The following NUDT19 variants were observed in gnomAD, a reference collection of about 807,000 sequenced individuals.
The protein encoded by NUDT19 is nudix hydrolase 19.
Under a neutral mutation model 22.2 loss-of-function variants are expected in NUDT19, and 31 were observed. The observed-to-expected ratio is 1.40, with a 90% CI of 1.05 to 1.89. The LOEUF is 1.89. Among genes scored for constraint, NUDT19 ranks in the 40% most tolerant of loss-of-function variants. NUDT19 has a pLI of 0.00. For synonymous variants in NUDT19, 325 were observed against 230.8 expected (o/e 1.41, Z -3.70); for missense variants, 752 against 514.2 (o/e 1.46, Z -4.47).
chr19:32,693,032 TTTTA>T (rs1329099460), intron 1 of NUDT19, among the ~76,000 whole-genome samples: 2 of 152,198 alleles, frequency 1.3e-5, no homozygotes, highest in Non-Finnish European at 2.9e-5. Flanking sequence ...GTCTTCCTAT[TTTTA>T]TTTATTTTTG....
chr19:32,706,924 T>C (rs1016766715), intron 1 of NUDT19, among the ~76,000 whole-genome samples: 2 of 152,178 alleles, frequency 1.3e-5, no homozygotes, highest in African/African-American at 4.8e-5. Context: ...GTGTCTCAAG[T>C]CAGTGAAAAT....
At chr19:32,708,271 C>T (rs2145367353) in intron 1 of NUDT19, among the ~76,000 whole-genome samples, 1 of 150,804 alleles carries the variant, frequency 6.6e-6, no homozygotes, top group Non-Finnish European at 1.5e-5. Context: ...ACTGAAAATA[C>T]AAAAAATTAG....
intron 1 of NUDT19, among the ~76,000 whole-genome samples, chr19:32,694,644 G>A (rs1208737617): frequency 1.3e-5 from 2 of 152,156 alleles, no homozygotes; most frequent in African/African-American, 4.8e-5. Context: ...AAGATTAGAA[G>A]TTAGGATAAT....
Position 32,713,200 on chromosome 19 carries a change from GC to G in NUDT19, c.*1246del, listed in dbSNP as rs1968466919. 2 of 151,966 alleles carry G rather than the reference GC, an allele frequency of 1.3e-5. No individual in the cohort carries two copies. Among genetic ancestry groups the G allele is most frequent in the South Asian group, 4.2e-4 (2 of 4,804 alleles). 9.4% of individuals were successfully genotyped at this position (151,966 alleles called of 1,614,324 possible). On this transcript the variant is annotated 3_prime_UTR_variant, in exon 3 of 3. Transcript: ENST00000397061. ...TTTTGAGACAGAGTCTCGCTCTGTT[GC>G]CCAGGCTGGAGTACAATGGCGCAAT...
chr19:32,699,453 G>A (rs549300189), intron 1 of NUDT19, among the ~76,000 whole-genome samples: 1 of 152,294 alleles, frequency 6.6e-6, no homozygotes, highest in East Asian at 1.9e-4. Context: ...TCGACCCTCG[G>A]CTCAGCCCAG....
intron 1 of NUDT19, among the ~76,000 whole-genome samples, chr19:32,695,923 G>A (rs919327272): frequency 6.6e-6 from 1 of 152,232 alleles, no homozygotes; most frequent in African/African-American, 2.4e-5. Flanking sequence ...GTCCCTGGGG[G>A]AAGAGGTTTA....
At chr19:32,700,140 G>A (rs552360213) in intron 1 of NUDT19, among the ~76,000 whole-genome samples, 10 of 152,354 alleles carry the variant, frequency 6.6e-5, no homozygotes, top group South Asian at 4.1e-4. Context: ...GGACCCGAGC[G>A]GGTTGCTGCT....
rs751434606 is a variant in NUDT19 at position 32,692,465 on chromosome 19, G to A, written c.505G>A (p.Asp169Asn). 9.1e-6 allele frequency: 14 copies of A among 1,546,050 alleles called. No individual in the cohort carries two copies. In the South Asian group the frequency reaches 1.1e-4, roughly 12 times the overall value. The stretch of plus-strand genomic sequence containing the variant: ...ACCGCCGGGCCTGGCCTCCTGGCGC[G>A]ACCGCGTGCGCCAGGACCCGCGCCA... ...EPPPGLASWR[D>N]RVRQDPRHFL... Residue 169 changes from aspartate (D) to asparagine (N), a missense_variant, in exon 1 of 3, where the codon GAC becomes AAC. By Grantham distance (23) the Asp-to-Asn change is conservative. Transcript: ENST00000397061.
intron 1 of NUDT19, among the ~76,000 whole-genome samples, chr19:32,700,623 T>A (rs1295756533): frequency 6.6e-6 from 1 of 152,166 alleles, no homozygotes; most frequent in Non-Finnish European, 1.5e-5. Context: ...AGAGACCGGA[T>A]CTCACTATGT....
At chr19:32,692,782 G>A (rs1968214459) in intron 1 of NUDT19, 108 bp downstream of exon 1, 1 of 771,286 alleles carries the variant, frequency 1.3e-6, no homozygotes, top group South Asian at 2.4e-5. Flanking sequence ...AGCCCAGAGA[G>A]ATTAAGCAGC....
rs756499059 is a variant in NUDT19, at chr19:32,692,567, CCT to C, written c.608_609del (p.Pro203LeufsTer10). On this transcript the variant is annotated frameshift_variant, in exon 1 of 3. Transcript: ENST00000397061. LOFTEE classifies it high-confidence loss of function. ...GCACAACTGGAGCGCCTGGCTCACCCCTTTCTTGCGGGGCACCACTCGCCGCT... is the reference window on the plus strand; with the variant it reads ...GCACAACTGGAGCGCCTGGCTCACCCTTCTTGCGGGGCACCACTCGCCGCT... Reference protein sequence around the residue: ...ALHNWSAWLTPFLRGTTRRFD... With the variant: ...ALHNWSAWLTXFLRGTTRRFD... 9.4e-6 allele frequency: 15 copies of C among 1,597,374 alleles called. No homozygotes were observed. In the East Asian group the frequency reaches 3.0e-4, roughly 32 times the overall value.
In NUDT19 at chr19:32,698,550, C is replaced by T. The variant is rs971475650; in HGVS notation, c.714+5876C>T. 1.1e-4 allele frequency among the ~76,000 whole-genome samples: 16 copies of T among 150,168 alleles called. No homozygotes were observed. The East Asian group carries it at 1.4e-3, about 13-fold the overall frequency. On this transcript the variant is annotated intron_variant, in intron 1 of 2. Transcript: ENST00000397061. ...TTGCCCAAGAACCTGCAACAGTCCC[C>T]GGACCCTGCTGATTGGAGTAGTTGT...
rs1968185498 is a variant in NUDT19 at position 32,691,945 on chromosome 19, CG to C, written c.-13del. 8.2e-6 allele frequency: 10 copies of C among 1,215,308 alleles called. No individual in the cohort carries two copies. Among genetic ancestry groups the C allele is most frequent in the South Asian group, 4.2e-5 (1 of 24,020 alleles). 75.3% of individuals were successfully genotyped at this position (1,215,308 alleles called of 1,614,324 possible). The stretch of plus-strand genomic sequence containing the variant: ...GCTCAGGCCGCGCCAGAATCGGATC[CG>C]GGAAGCTGCGCGCCATGAGCAGCTC... On this transcript the variant is annotated 5_prime_UTR_variant, in exon 1 of 3. Transcript: ENST00000397061.
intron 1 of NUDT19, among the ~76,000 whole-genome samples, chr19:32,707,134 A>G (rs938119078): frequency 1.4e-4 from 22 of 152,200 alleles, no homozygotes; most frequent in African/African-American, 5.1e-4. Context: ...AGTAAGTGAT[A>G]AGGTATTGTA....
intron 1 of NUDT19, among the ~76,000 whole-genome samples, chr19:32,708,788 C>T (rs1485245244): frequency 3.3e-5 from 5 of 152,160 alleles, no homozygotes; most frequent in South Asian, 2.1e-4. Flanking sequence ...AGCCAAGTAC[C>T]CATTTCCCAG....
chr19:32,697,408 T>C (rs531356042), intron 1 of NUDT19, among the ~76,000 whole-genome samples: 2 of 152,300 alleles, frequency 1.3e-5, no homozygotes, highest in East Asian at 1.9e-4. Flanking sequence ...TGTATTTTCT[T>C]AAGGCCTCCC....
Position 32,709,291 on chromosome 19 carries a change from C to G in NUDT19, c.821C>G (p.Ser274Cys), listed in dbSNP as rs753662204. The change falls in exon 2 of 3, where the codon TCT (serine) becomes TGT (cysteine). Residue 274 changes from serine to cysteine, a missense_variant. Transcript: ENST00000397061. ...AGACTTGCAAACTTTGCCTCTCTCT[C>G]TGACTTGCACAAATTTTGTTTGGGT... ...VRRLANFASL[S>C]DLHKFCLGRA... 1 of 1,614,154 alleles carries G rather than the reference C, an allele frequency of 6.2e-7. No homozygotes were observed. The highest frequency in any genetic ancestry group is 1.3e-5 in the African/African-American group (1 of 75,058).
rs189824124 is a variant in NUDT19 at position 32,709,452 on chromosome 19, T to C, written c.922+60T>C. ...TTCACATTCAGTGCCCTGGGCTGCA[T>C]GGCTGTATTGCCCAACGTAGAGACA... On this transcript the variant is annotated intron_variant, in intron 2 of 2. Transcript: ENST00000397061. 2.4e-5 allele frequency: 32 copies of C among 1,361,316 alleles called. No homozygotes were observed. In the African/African-American group the frequency reaches 2.6e-4, roughly 11 times the overall value. The allele number at this position is 1,361,316 out of a possible 1,614,324, so 84.3% of individuals were successfully genotyped here. A position where few individuals can be genotyped will look rare whatever the true frequency, so the allele number is the denominator to read the frequency against.
At chr19:32,703,083 C>T (rs1360774404) in intron 1 of NUDT19, among the ~76,000 whole-genome samples, 1 of 152,134 alleles carries the variant, frequency 6.6e-6, no homozygotes, top group African/African-American at 2.4e-5. Flanking sequence ...CTCACTGCAA[C>T]CTCCACCTCC....
Sources: gnomAD v4.1 joint callset for allele counts (sites outside exome capture counted in the v4.1 genomes callset) on GRCh38, gnomAD v4.1.1 for gene constraint, MANE v1.5 for transcripts, NCBI Gene and HGNC (gene_info 2026-07-23, HGNC 2026-07-21) for gene names.